The following CCDC171 variants were observed in gnomAD, a reference collection of about 807,000 sequenced individuals.
The protein encoded by CCDC171 is coiled-coil domain-containing protein 171.
CCDC171 carries 177 observed loss-of-function variants against 168.2 expected under a neutral mutation model. That is an observed-to-expected ratio of 1.05 (90% CI 0.93 to 1.19). CCDC171 has a LOEUF of 1.19. Among genes scored for constraint, CCDC171 ranks in the 50% most tolerant of loss-of-function variants. The pLI, the probability that CCDC171 is intolerant of heterozygous loss-of-function variation, is 0.00. For missense variants in CCDC171, 1,991 were observed against 1,539.0 expected (o/e 1.29, Z -4.91); for synonymous variants, 687 against 540.8 (o/e 1.27, Z -3.75).
At chr9:15,848,275 A>T (rs145365349) in intron 22 of CCDC171, among the ~76,000 whole-genome samples, 118 of 152,150 alleles carry the variant, frequency 7.8e-4, no homozygotes, top group Non-Finnish European at 1.1e-3. Flanking sequence ...ATTTCAATTT[A>T]CAATTAGATT....
chr9:15,693,901 TC>T (rs1274903103), intron 10 of CCDC171, among the ~76,000 whole-genome samples: 1 of 152,108 alleles, frequency 6.6e-6, no homozygotes, highest in African/African-American at 2.4e-5. Flanking sequence ...ACTTCCTGTT[TC>T]TATTTACTCA....
chr9:15,861,933 A>T (rs2061577228), intron 23 of CCDC171, among the ~76,000 whole-genome samples: 1 of 151,964 alleles, frequency 6.6e-6, no homozygotes, highest in Non-Finnish European at 1.5e-5. Context: ...TCTGTTAGTG[A>T]TGAACTTCCT....
intron 25 of CCDC171, among the ~76,000 whole-genome samples, chr9:15,921,892 C>A (rs1412232519): frequency 1.3e-5 from 2 of 151,414 alleles, no homozygotes; most frequent in Non-Finnish European, 3.0e-5. Context: ...TTTGTTGGGT[C>A]ATACTATTAC....
chr9:16,086,762 G>A, the CCDC171 span, among the ~76,000 whole-genome samples: 1 of 151,998 alleles, frequency 6.6e-6, no homozygotes, highest in African/African-American at 2.4e-5. Flanking sequence ...TAGCTTTTGA[G>A]TTTGTTTGCT....
At chr9:16,034,022 A>G (rs1386976198) in intron 6 of CCDC171, among the ~76,000 whole-genome samples, 1 of 152,178 alleles carries the variant, frequency 6.6e-6, no homozygotes, top group East Asian at 1.9e-4. Flanking sequence ...TGTTCACCTA[A>G]GCTTCTTAAT....
intron 25 of CCDC171, among the ~76,000 whole-genome samples, chr9:15,923,629 A>C (rs1208821658): frequency 1.3e-5 from 2 of 151,344 alleles, no homozygotes; most frequent in East Asian, 1.9e-4. Flanking sequence ...TGAAAAGTGC[A>C]AAGAGTGGAT....
rs148806828 is a variant in CCDC171, at chr9:15,803,736, C to T, written c.3267+19042C>T. On this transcript the variant is annotated intron_variant, in intron 21 of 25. Coordinates refer to ENST00000380701, the MANE Select transcript of CCDC171 (RefSeq NM_173550.4). ...CTTTTTTATTGTTGTTTAGGACTGC[C>T]TAGGCTATTTGGGCTTTTTTTTGGT... 6.0e-5 allele frequency among the ~76,000 whole-genome samples: 8 copies of T among 133,376 alleles called. No individual in the cohort carries two copies. The East Asian group carries it at 1.3e-3, about 21-fold the overall frequency. 87.5% of individuals were successfully genotyped at this position (133,376 alleles called of 152,430 possible). A position where few individuals can be genotyped will look rare whatever the true frequency, so the allele number is the denominator to read the frequency against.
chr9:15,730,116 T>G (rs954166098), intron 16 of CCDC171, among the ~76,000 whole-genome samples: 1 of 151,982 alleles, frequency 6.6e-6, no homozygotes, highest in Non-Finnish European at 1.5e-5. Flanking sequence ...ATTAAAGTAT[T>G]TGGTAATGTA....
intron 1 of CCDC171, among the ~76,000 whole-genome samples, chr9:16,045,131 G>C (rs1030764656): frequency 7.9e-5 from 12 of 152,160 alleles, no homozygotes; most frequent in African/African-American, 2.7e-4. Context: ...ACCTTACTCA[G>C]ACCAGAAATA....
intron 23 of CCDC171, among the ~76,000 whole-genome samples, chr9:15,873,591 A>C (rs972032932): frequency 1.3e-5 from 2 of 152,116 alleles, no homozygotes; most frequent in Non-Finnish European, 2.9e-5. Context: ...CTATGTATTG[A>C]AAACTCCTAT....
chr9:15,866,565 T>A (rs1402068468), intron 23 of CCDC171, among the ~76,000 whole-genome samples: 1 of 151,942 alleles, frequency 6.6e-6, no homozygotes, highest in African/African-American at 2.4e-5. Context: ...AAGGAGACAA[T>A]GATGAGTTTT....
chr9:15,738,937 A>T (rs1428572639), intron 16 of CCDC171, among the ~76,000 whole-genome samples: 1 of 152,232 alleles, frequency 6.6e-6, no homozygotes, highest in Non-Finnish European at 1.5e-5. Context: ...GGATGATTTT[A>T]TAAAGGGTTA....
chr9:16,049,640 T>A (rs563811712), intron 1 of CCDC171, among the ~76,000 whole-genome samples: 2 of 152,250 alleles, frequency 1.3e-5, no homozygotes, highest in African/African-American at 2.4e-5. Context: ...GACTGAGAGA[T>A]ACACCATCTG....
At chr9:15,616,038 C>A (rs924175264) in intron 6 of CCDC171, among the ~76,000 whole-genome samples, 1 of 152,188 alleles carries the variant, frequency 6.6e-6, no homozygotes, top group Admixed American at 6.5e-5. Context: ...GTAACCTCCA[C>A]CTCCTGGGTT....
chr9:15,898,221 CTT>C (rs1252478694), intron 24 of CCDC171, among the ~76,000 whole-genome samples: 8 of 152,156 alleles, frequency 5.3e-5, no homozygotes, highest in Non-Finnish European at 7.4e-5. Flanking sequence ...AGAGCATAGG[CTT>C]TATTTACTTC....
intron 6 of CCDC171, among the ~76,000 whole-genome samples, chr9:15,622,619 T>C (rs2044595323): frequency 6.6e-6 from 1 of 152,222 alleles, no homozygotes; most frequent in African/African-American, 2.4e-5. Flanking sequence ...TTGATATTTG[T>C]GTTAACTTTA....
intron 21 of CCDC171, among the ~76,000 whole-genome samples, chr9:15,800,356 G>C (rs1160622889): frequency 1.3e-5 from 2 of 152,030 alleles, no homozygotes; most frequent in Admixed American, 1.3e-4. Flanking sequence ...GCATTTCTCT[G>C]ATGATCAATG....
intron 1 of CCDC171, among the ~76,000 whole-genome samples, chr9:15,563,286 G>A (rs1407946593): frequency 6.6e-6 from 1 of 151,884 alleles, no homozygotes; most frequent in Non-Finnish European, 1.5e-5. Flanking sequence ...TTACAGGCAT[G>A]TGCCACCCCG....
chr9:15,674,696 C>G (rs1420575196), intron 9 of CCDC171, among the ~76,000 whole-genome samples: 1 of 152,136 alleles, frequency 6.6e-6, no homozygotes, highest in Non-Finnish European at 1.5e-5. Flanking sequence ...ATCCTGAGTT[C>G]TAGTTTGATT....
Sources: allele counts gnomAD v4.1 joint callset (sites outside exome capture counted in the v4.1 genomes callset), GRCh38; gene constraint gnomAD v4.1.1; transcripts MANE v1.5; gene names NCBI Gene and HGNC (gene_info 2026-07-23, HGNC 2026-07-21).